Variants in GNA12 observed in about 807,000 individuals in gnomAD.
The protein encoded by GNA12 is G protein subunit alpha 12.
A neutral mutation model predicts 26.0 loss-of-function variants in GNA12; 9 were observed. That is an observed-to-expected ratio of 0.35 (90% confidence interval 0.21 to 0.60). The LOEUF (loss-of-function observed/expected upper bound fraction) is 0.60. GNA12 is among the 20% of genes least tolerant of loss of function. The probability of loss-of-function intolerance (pLI) is 0.78; values close to 1 mark genes in which losing one functional copy is unlikely to be tolerated. For missense variants in GNA12, 405 were observed against 525.8 expected (o/e 0.77, Z 2.25); for synonymous variants, 264 against 219.6 (o/e 1.20, Z -1.79).
chr7:2,806,023 G>A (rs1164017152), intron 1 of GNA12, among the ~76,000 whole-genome samples: 1 of 152,114 alleles, frequency 6.6e-6, no homozygotes, highest in Non-Finnish European at 1.5e-5. Context: ...GTAATATTTT[G>A]GATATGTTGG....
At chr7:2,814,913 A>C (rs116515234) in intron 1 of GNA12, 24 of 1,598,824 alleles carry the variant, frequency 1.5e-5, no homozygotes, top group Non-Finnish European at 2.0e-5. Context: ...ACGGCCTGGG[A>C]AACATTCTCC....
chr7:2,825,663 A>C (rs187419911), intron 1 of GNA12, among the ~76,000 whole-genome samples: 41 of 152,282 alleles, frequency 2.7e-4, no homozygotes, highest in African/African-American at 9.6e-4. Flanking sequence ...ATAGTTTTGT[A>C]AACAGGAAAG....
intron 2 of GNA12, among the ~76,000 whole-genome samples, chr7:2,770,822 T>C (rs1791929788): frequency 6.6e-6 from 1 of 152,192 alleles, no homozygotes; most frequent in African/African-American, 2.4e-5. Flanking sequence ...GAATGCCCCT[T>C]CACTGTATAC....
At chr7:2,745,986 T>A (rs552134896) in intron 2 of GNA12, among the ~76,000 whole-genome samples, 1 of 152,124 alleles carries the variant, frequency 6.6e-6, no homozygotes, top group African/African-American at 2.4e-5. Context: ...TAAATATATA[T>A]GCAAACAATA....
intron 2 of GNA12, among the ~76,000 whole-genome samples, chr7:2,737,063 T>C (rs991259192): frequency 7.9e-5 from 12 of 152,050 alleles, no homozygotes; most frequent in Non-Finnish European, 1.5e-4. Context: ...AGGGTGTGCA[T>C]TAAAGACAGC....
chr7:2,823,508 G>A (rs1793414983), intron 1 of GNA12, among the ~76,000 whole-genome samples: 1 of 152,164 alleles, frequency 6.6e-6, no homozygotes, highest in South Asian at 2.1e-4. Flanking sequence ...TTTCAAGCAT[G>A]CTAATAATAA....
intron 1 of GNA12, among the ~76,000 whole-genome samples, chr7:2,807,145 C>G (rs1455561000): frequency 6.6e-6 from 1 of 152,072 alleles, no homozygotes; most frequent in African/African-American, 2.4e-5. Flanking sequence ...AAAGAGAAAT[C>G]AGGATAACTA....
intron 1 of GNA12, among the ~76,000 whole-genome samples, chr7:2,818,311 C>T (rs894633185): frequency 6.6e-6 from 1 of 152,212 alleles, no homozygotes; most frequent in Non-Finnish European, 1.5e-5. Context: ...GCAGCATCTC[C>T]AACCATCAGA....
chr7:2,757,243 C>T (rs1339512524), intron 2 of GNA12, among the ~76,000 whole-genome samples: 2 of 140,648 alleles, frequency 1.4e-5, no homozygotes, highest in African/African-American at 5.4e-5. Flanking sequence ...TCACGCCATT[C>T]TCCTGCCTCA....
intron 1 of GNA12, among the ~76,000 whole-genome samples, chr7:2,835,054 T>C (rs1583317782): frequency 1.3e-5 from 2 of 152,218 alleles, no homozygotes; most frequent in East Asian, 1.9e-4. Context: ...AATGCAATCA[T>C]GTGGATGGTT....
intron 2 of GNA12, among the ~76,000 whole-genome samples, chr7:2,765,411 G>A (rs961575497): frequency 2.0e-5 from 3 of 151,538 alleles, no homozygotes; most frequent in Admixed American, 2.0e-4. Context: ...CGCCCGCCTC[G>A]GCCTCCTAAA....
At chr7:2,752,291 C>T (rs1265058790) in intron 2 of GNA12, among the ~76,000 whole-genome samples, 1 of 152,122 alleles carries the variant, frequency 6.6e-6, no homozygotes, top group Admixed American at 6.5e-5. Context: ...GAAACTTCCT[C>T]AGTTTGATAA....
chr7:2,738,436 A>G (rs1330988140), intron 2 of GNA12, among the ~76,000 whole-genome samples: 1 of 152,216 alleles, frequency 6.6e-6, no homozygotes, highest in Non-Finnish European at 1.5e-5. Flanking sequence ...GCGAAGGAGA[A>G]GAGCTCCGTG....
intron 1 of GNA12, among the ~76,000 whole-genome samples, chr7:2,826,868 GAC>G (rs1332595887): frequency 5.3e-5 from 8 of 152,176 alleles, no homozygotes; most frequent in Non-Finnish European, 1.2e-4. Context: ...TAACGGTGGA[GAC>G]ATTTGTCAAA....
intron 1 of GNA12, among the ~76,000 whole-genome samples, 200 bp downstream of exon 1, chr7:2,843,653 G>C (rs1043074546): frequency 2.6e-5 from 4 of 151,506 alleles, no homozygotes; most frequent in African/African-American, 7.3e-5. Flanking sequence ...TCTCAAAAAG[G>C]GCGAGACGGG....
At chr7:2,760,134 G>A (rs960639523) in intron 2 of GNA12, among the ~76,000 whole-genome samples, 1 of 152,274 alleles carries the variant, frequency 6.6e-6, no homozygotes, top group Non-Finnish European at 1.5e-5. Flanking sequence ...GACAAAGAGA[G>A]CCCCACGTGA....
At chr7:2,795,757 A>G (rs1437221954) in intron 1 of GNA12, among the ~76,000 whole-genome samples, 1 of 151,778 alleles carries the variant, frequency 6.6e-6, no homozygotes, top group Non-Finnish European at 1.5e-5. Flanking sequence ...GGCGGGGAGG[A>G]GGTGGCAACA....
chr7:2,757,726 A>C (rs1791370426), intron 2 of GNA12, among the ~76,000 whole-genome samples: 1 of 152,206 alleles, frequency 6.6e-6, no homozygotes, highest in Non-Finnish European at 1.5e-5. Context: ...TCTTAGGGCA[A>C]AATAACCATG....
intron 1 of GNA12, among the ~76,000 whole-genome samples, chr7:2,816,854 G>C (rs984654444): frequency 6.6e-6 from 1 of 152,198 alleles, no homozygotes; most frequent in Non-Finnish European, 1.5e-5. Flanking sequence ...ACTCAGGCTA[G>C]AGAAATGATC....
Sources: allele counts gnomAD v4.1 joint callset (sites outside exome capture counted in the v4.1 genomes callset), GRCh38; gene constraint gnomAD v4.1.1; transcripts MANE v1.5; gene names NCBI Gene and HGNC (gene_info 2026-07-23, HGNC 2026-07-21).